Variants in MAGI2 observed in about 807,000 individuals in gnomAD.
The protein encoded by MAGI2 is membrane-associated guanylate kinase, WW and PDZ domain-containing protein 2.
A neutral mutation model predicts 133.3 loss-of-function variants in MAGI2; 35 were observed. The observed-to-expected ratio is 0.26, with a 90% CI of 0.20 to 0.35. The LOEUF (loss-of-function observed/expected upper bound fraction) is 0.35, where lower values mean the gene tolerates loss of function less well. MAGI2 is among the 10% of genes least tolerant of loss of function. The pLI is 1.00. For synonymous variants in MAGI2, 729 were observed against 710.6 expected, an observed-to-expected ratio of 1.03 and a Z score of -0.41; for missense variants, 1,636 against 1,863.4, an observed-to-expected ratio of 0.88 and a Z score of 2.25.
chr7:78,511,551 ATT>A (rs760565213), intron 4 of MAGI2, among the ~76,000 whole-genome samples: 6,086 of 127,672 alleles, frequency 0.048, 210 homozygotes, highest in African/African-American at 0.13. Flanking sequence ...ATATATATAA[ATT>A]TTTTTTTTTT....
chr7:79,330,159 T>A (rs1195585637), intron 1 of MAGI2, among the ~76,000 whole-genome samples: 2 of 137,192 alleles, frequency 1.5e-5, no homozygotes, highest in African/African-American at 2.7e-5. Context: ...CTATAGCACA[T>A]CAGTAACAAA....
intron 1 of MAGI2, among the ~76,000 whole-genome samples, chr7:79,165,590 C>T (rs1306738841): frequency 6.6e-6 from 1 of 152,052 alleles, no homozygotes; most frequent in African/African-American, 2.4e-5. Context: ...GCCAACCTGC[C>T]ATGACCAAAA....
At chr7:78,231,583 T>A (rs1317043285) in intron 10 of MAGI2, among the ~76,000 whole-genome samples, 1 of 152,232 alleles carries the variant, frequency 6.6e-6, no homozygotes, top group East Asian at 1.9e-4. Context: ...AAGGTTTTTT[T>A]AAACTGGACA....
chr7:78,134,846 T>C (rs1821941178), intron 17 of MAGI2, 175 bp downstream of exon 17: 5 of 588,898 alleles, frequency 8.5e-6, no homozygotes, highest in Admixed American at 6.1e-5. Context: ...AAGATATGGA[T>C]TGCAACTGAG....
chr7:78,586,591 A>T (rs537779787), intron 3 of MAGI2, among the ~76,000 whole-genome samples: 3 of 152,202 alleles, frequency 2.0e-5, no homozygotes, highest in African/African-American at 7.2e-5. Flanking sequence ...ATAACAAAGA[A>T]TTTGCCATAT....
At chr7:79,348,343 C>G (rs1460490481) in intron 1 of MAGI2, among the ~76,000 whole-genome samples, 1 of 151,772 alleles carries the variant, frequency 6.6e-6, no homozygotes, top group Non-Finnish European at 1.5e-5. Flanking sequence ...TTAATGTAAT[C>G]AGAGTATGGT....
At chr7:78,641,398 C>G (rs2150988906) in intron 2 of MAGI2, among the ~76,000 whole-genome samples, 1 of 152,286 alleles carries the variant, frequency 6.6e-6, no homozygotes, top group South Asian at 2.1e-4. Context: ...GTAATAACTA[C>G]TGTTATTAGA....
At position 78,112,996 on chromosome 7, in the gene MAGI2, G is replaced by A. The variant is rs528328695; in HGVS notation, c.3567+12698C>T. Reference sequence around the variant, plus strand: ...ATGAGGAGGACTTACCCAGGGGAACGGGTGGGGGAAGAGCCTTTTGGGAAG... The same window carrying A: ...ATGAGGAGGACTTACCCAGGGGAACAGGTGGGGGAAGAGCCTTTTGGGAAG... On this transcript the variant is annotated intron_variant, in intron 20 of 21. Coordinates refer to ENST00000354212, the MANE Select transcript of MAGI2 (RefSeq NM_012301.4). 3.3e-5 allele frequency among the ~76,000 whole-genome samples: 5 copies of A among 152,280 alleles called. No individual in the cohort carries two copies. The South Asian group carries it at 6.2e-4, about 19-fold the overall frequency.
chr7:78,494,853 T>C (rs1793941648), intron 5 of MAGI2, among the ~76,000 whole-genome samples: 1 of 152,206 alleles, frequency 6.6e-6, no homozygotes, highest in African/African-American at 2.4e-5. Flanking sequence ...ATTCTGAATC[T>C]CAATCTTAAA....
intron 1 of MAGI2, among the ~76,000 whole-genome samples, chr7:79,390,193 T>C (rs1269371606): frequency 1.3e-5 from 2 of 152,152 alleles, no homozygotes; most frequent in African/African-American, 4.8e-5. Context: ...TGGGTTTGCA[T>C]GGCTCCTAAA....
intron 2 of MAGI2, among the ~76,000 whole-genome samples, chr7:78,957,264 CAA>C (rs1187620956): frequency 7.5e-4 from 32 of 42,654 alleles, no homozygotes; most frequent in African/African-American, 2.8e-3. Flanking sequence ...GACTCCATCT[CAA>C]AAAAAAAAAA....
chr7:78,831,473 T>C (rs566877470), intron 2 of MAGI2, among the ~76,000 whole-genome samples: 1 of 152,058 alleles, frequency 6.6e-6, no homozygotes, highest in South Asian at 2.1e-4. Context: ...ACAATCTCAG[T>C]TCACTGCAGC....
chr7:78,065,656 A>ATAG, intron 21 of MAGI2: 1 of 689,596 alleles, frequency 1.5e-6, no homozygotes, highest in African/African-American at 1.8e-5. Flanking sequence ...ACTGGAAGGT[A>ATAG]CCATTCCTAA....
At chr7:78,058,700 T>C (rs1436098726) in intron 21 of MAGI2, among the ~76,000 whole-genome samples, 10 of 152,068 alleles carry the variant, frequency 6.6e-5, no homozygotes, top group Admixed American at 6.6e-5. Flanking sequence ...CGTGTTTTTT[T>C]ATACCCTCAG....
chr7:79,210,450 T>C (rs186012477), intron 1 of MAGI2, among the ~76,000 whole-genome samples: 9 of 152,170 alleles, frequency 5.9e-5, no homozygotes, highest in African/African-American at 2.2e-4. Context: ...TGTTTCCCAG[T>C]CTCCTCTTTA....
chr7:78,568,041 A>G (rs1444764971), intron 3 of MAGI2: 1 of 152,198 alleles, frequency 6.6e-6, no homozygotes, highest in Non-Finnish European at 1.5e-5. Context: ...TAAGTTTCTT[A>G]AAACACTTTC....
intron 1 of MAGI2, among the ~76,000 whole-genome samples, chr7:79,292,806 C>T (rs1024187969): frequency 4.6e-5 from 3 of 64,862 alleles, no homozygotes; most frequent in African/African-American, 8.5e-5. Flanking sequence ...AAAAAGGCAG[C>T]TCCTCAGCTG....
intron 21 of MAGI2, chr7:78,026,251 CCTTCA>C (rs1411676314): frequency 3.3e-5 from 5 of 152,142 alleles, no homozygotes; most frequent in Non-Finnish European, 7.3e-5. Flanking sequence ...AAAATGTGCT[CCTTCA>C]CTTCATATGC....
intron 3 of MAGI2, among the ~76,000 whole-genome samples, chr7:78,535,936 A>G (rs948370470): frequency 2.1e-5 from 3 of 144,358 alleles, no homozygotes; most frequent in African/African-American, 8.0e-5. Flanking sequence ...GGACAGCTTC[A>G]ACTCCCTGTG....
Sources: allele counts gnomAD v4.1 joint callset (sites outside exome capture counted in the v4.1 genomes callset), GRCh38; gene constraint gnomAD v4.1.1; transcripts MANE v1.5; gene names NCBI Gene and HGNC (gene_info 2026-07-23, HGNC 2026-07-21).